The following LYN variants were observed in gnomAD, a reference collection of about 807,000 sequenced individuals.
LYN encodes the protein LYN proto-oncogene, Src family tyrosine kinase, also known as tyrosine-protein kinase Lyn.
A neutral mutation model predicts 65.0 loss-of-function variants in LYN; 12 were observed. That is an observed-to-expected ratio of 0.18 (90% confidence interval 0.12 to 0.30). LYN has a LOEUF of 0.30. Among genes scored for constraint, LYN ranks in the 10% least tolerant of loss-of-function variants. The pLI, the probability that LYN is intolerant of heterozygous loss-of-function variation, is 1.00. For missense variants in LYN, 380 were observed against 623.2 expected (o/e 0.61, Z 4.16); for synonymous variants, 222 against 221.2 (o/e 1.00, Z -0.03).
At chr8:55,912,973 A>T (rs1224019236) in intron 1 of LYN, among the ~76,000 whole-genome samples, 2 of 152,170 alleles carry the variant, frequency 1.3e-5, no homozygotes, top group African/African-American at 2.4e-5. Context: ...ATCAATATTT[A>T]ACCACTAGAA....
intron 1 of LYN, among the ~76,000 whole-genome samples, chr8:55,912,687 A>C (rs1585590955): frequency 6.6e-6 from 1 of 151,470 alleles, no homozygotes; most frequent in Admixed American, 6.6e-5. Context: ...AGATTATGCC[A>C]CTGCATTCCA....
chr8:56,010,593 C>A lies in LYN; in HGVS notation c.*483C>A. On this transcript the variant is annotated 3_prime_UTR_variant, in exon 13 of 13. Coordinates refer to ENST00000519728, the MANE Select transcript of LYN (RefSeq NM_002350.4). ...TGTTTAAAAAAAAAAAAAAACTAAT[C>A]CAACCTGTTAGATTTTGCAGGTGAA... is the stretch of plus-strand genomic sequence containing the variant. 4.3e-6 allele frequency: 1 copy of A among 230,516 alleles called. No individual in the cohort carries two copies. The highest frequency in any genetic ancestry group is 8.6e-6 in the Non-Finnish European group (1 of 116,152). The allele number at this position is 230,516 out of a possible 1,614,324, so 14.3% of individuals were successfully genotyped here. A position where few individuals can be genotyped will look rare whatever the true frequency, so the allele number is the denominator to read the frequency against.
At chr8:55,986,193 G>A (rs57379839) in intron 10 of LYN, among the ~76,000 whole-genome samples, 59 of 146,990 alleles carry the variant, frequency 4.0e-4, no homozygotes, top group African/African-American at 1.3e-3. Flanking sequence ...AATCCCCCCC[G>A]CAAAAAAAAA....
chr8:55,902,603 C>CAA, intron 1 of LYN: 22 of 303,126 alleles, frequency 7.3e-5, no homozygotes, highest in South Asian at 2.3e-4. Flanking sequence ...ATATAGCATA[C>CAA]AAAAAAAAAA....
At chr8:55,976,571 G>A (rs1208663970) in intron 10 of LYN, among the ~76,000 whole-genome samples, 1 of 152,172 alleles carries the variant, frequency 6.6e-6, no homozygotes, top group African/African-American at 2.4e-5. Context: ...GTGGGGGACA[G>A]GTGAGTTGCA....
chr8:55,911,561 A>G lies in LYN; in HGVS notation c.-5-30294A>G, dbSNP rs116250570. On this transcript the variant is annotated intron_variant, in intron 1 of 12. Transcript: ENST00000519728. ...TCGTAGGGGCAGCAGGTGGAAATGT[A>G]CATTCACTACTTGGTGGAAAGAAGT... Among the ~76,000 whole-genome samples, 527 of 152,110 alleles carry G rather than the reference A, an allele frequency of 3.5e-3. 2 individuals are homozygous for G. Among genetic ancestry groups the G allele is most frequent in the African/African-American group, 0.012 (509 of 41,502 alleles).
In LYN at chr8:56,010,921, C is replaced by T. The variant is rs1326442985; in HGVS notation, c.*811C>T. 1 of 231,134 alleles carries T rather than the reference C, an allele frequency of 4.3e-6. No homozygotes were observed. Among genetic ancestry groups the T allele is most frequent in the South Asian group, 1.8e-4 (1 of 5,512 alleles). The allele number at this position is 231,134 out of a possible 1,614,324, so 14.3% of individuals were successfully genotyped here. On this transcript the variant is annotated 3_prime_UTR_variant, in exon 13 of 13. Transcript: ENST00000519728. ...TTTTAAGAGTCCAGCTTTTTCATTT[C>T]CACAATTTCCTATATCCAGATTTGT...
At chr8:55,924,573 A>C (rs1806045768) in intron 1 of LYN, among the ~76,000 whole-genome samples, 1 of 151,876 alleles carries the variant, frequency 6.6e-6, no homozygotes, top group Admixed American at 6.6e-5. Flanking sequence ...CATGTTGGCC[A>C]GGCTGGTCTT....
chr8:55,896,723 C>A (rs1270340386), intron 1 of LYN, among the ~76,000 whole-genome samples: 2 of 151,908 alleles, frequency 1.3e-5, no homozygotes, highest in Admixed American at 6.6e-5. Flanking sequence ...GGCATTCCCC[C>A]CAAGCTCCTC....
intron 1 of LYN, among the ~76,000 whole-genome samples, chr8:55,884,138 C>G (rs1511724): frequency 0.42 from 64,077 of 151,994 alleles, 13,840 homozygotes; most frequent in East Asian, 0.67. Context: ...CTCACTCTGT[C>G]GCCCAGCCTG....
At chr8:56,000,781 A>G (rs112844004) in intron 12 of LYN, among the ~76,000 whole-genome samples, 3,593 of 149,588 alleles carry the variant, frequency 0.024, 61 homozygotes, top group South Asian at 0.041. Flanking sequence ...GAGCCTTCAT[A>G]TTTTCATTTA....
intron 1 of LYN, among the ~76,000 whole-genome samples, chr8:55,928,729 A>G (rs1806180925): frequency 6.6e-6 from 1 of 152,128 alleles, no homozygotes; most frequent in East Asian, 1.9e-4. Flanking sequence ...CAGAAGTTTT[A>G]GATTTTAATG....
At chr8:55,951,141 G>A (rs1032553736) in intron 6 of LYN, among the ~76,000 whole-genome samples, 1 of 152,182 alleles carries the variant, frequency 6.6e-6, no homozygotes, top group East Asian at 1.9e-4. Context: ...TACTCTGGAG[G>A]CTGAGGTAGG....
At chr8:55,884,344 A>T (rs1351535121) in intron 1 of LYN, among the ~76,000 whole-genome samples, 1 of 152,082 alleles carries the variant, frequency 6.6e-6, no homozygotes, top group African/African-American at 2.4e-5. Flanking sequence ...ACCCCAAGTG[A>T]TCTGCCCGTC....
intron 10 of LYN, among the ~76,000 whole-genome samples, chr8:55,981,029 G>A (rs529899900): frequency 6.6e-6 from 1 of 152,276 alleles, no homozygotes; most frequent in Admixed American, 6.5e-5. Context: ...GCTCAGCTCC[G>A]TTCAGTGGGT....
chr8:55,976,282 A>G (rs1002651178), intron 10 of LYN, among the ~76,000 whole-genome samples: 1 of 149,644 alleles, frequency 6.7e-6, no homozygotes, highest in Non-Finnish European at 1.5e-5. Flanking sequence ...AGCCAAGATC[A>G]CACCACTACA....
At chr8:55,975,200 A>G (rs532379871) in intron 10 of LYN, among the ~76,000 whole-genome samples, 14 of 152,320 alleles carry the variant, frequency 9.2e-5, no homozygotes, top group Admixed American at 9.2e-4. Context: ...TGGAAACCTC[A>G]GCTTTCTCAG....
At chr8:55,944,269 G>T (rs1167782810) in intron 2 of LYN, among the ~76,000 whole-genome samples, 1 of 151,870 alleles carries the variant, frequency 6.6e-6, no homozygotes, top group African/African-American at 2.4e-5. Flanking sequence ...CCTATTACAG[G>T]CAGTGAAAGA....
At chr8:55,977,130 A>C (rs181693346) in intron 10 of LYN, among the ~76,000 whole-genome samples, 8 of 152,152 alleles carry the variant, frequency 5.3e-5, no homozygotes, top group Non-Finnish European at 1.0e-4. Context: ...GATTGCAGTG[A>C]GCCAAGATCG....
Sources: allele counts gnomAD v4.1 joint callset (sites outside exome capture counted in the v4.1 genomes callset), GRCh38; gene constraint gnomAD v4.1.1; transcripts MANE v1.5; gene names NCBI Gene and HGNC (gene_info 2026-07-23, HGNC 2026-07-21).